Variants in ZDBF2 observed in about 807,000 individuals in gnomAD.
The protein encoded by ZDBF2 is zinc finger DBF-type containing 2.
In ZDBF2, 6 loss-of-function variants were observed where a neutral mutation model predicts 9.4. The observed-to-expected ratio is 0.64, with a 90% CI of 0.35 to 1.27. The LOEUF is 1.27. Among genes scored for constraint, ZDBF2 ranks in the 50% most tolerant of loss-of-function variants. The pLI is 0.03. For missense variants in ZDBF2, 2,697 were observed against 2,766.8 expected (o/e 0.97, Z 0.57); for synonymous variants, 905 against 946.3 (o/e 0.96, Z 0.80).
rs1314456324 is a variant in ZDBF2, at chr2:206,312,144, A to G, written c.*551A>G. On this transcript the variant is annotated 3_prime_UTR_variant, in exon 5 of 5. Coordinates refer to ENST00000374423, the MANE Select transcript of ZDBF2 (RefSeq NM_020923.3). ...GCATAGCACAAACTCCTCCTGCTTC[A>G]TTTAAATTGGATCTGCAAGTCTCTA... 6.6e-6 allele frequency: 1 copy of G among 152,120 alleles called. No homozygotes were observed. The highest frequency in any genetic ancestry group is 2.1e-4 in the South Asian group (1 of 4,826). The allele number at this position is 152,120 out of a possible 1,614,324, so 9.4% of individuals were successfully genotyped here. A position where few individuals can be genotyped will look rare whatever the true frequency, so the allele number is the denominator to read the frequency against.
rs1220934966 is a variant in ZDBF2, at chr2:206,306,873, G to C, written c.2345G>C (p.Ser782Thr). ...CGGCACATTGACCTGGAAGATGAGA[G>C]CTGTGAGTCAGATAGTTCTGAAATA... ...KERHIDLEDE[S>T]CESDSSEITF... Residue 782 changes from serine (S) to threonine (T), a missense_variant, in exon 5 of 5, where the codon AGC (serine) becomes ACC (threonine). Ser to Thr is a moderately conservative substitution (Grantham distance 58). Around this residue, in one of 3 missense-constraint regions of ZDBF2, gnomAD observed 910 missense variants for 973.6 expected, o/e 0.93. Coordinates refer to ENST00000374423, the MANE Select transcript of ZDBF2 (RefSeq NM_020923.3). The C allele has an allele frequency of 1.2e-6, 2 of 1,613,728 alleles. No individual in the cohort carries two copies. The highest frequency in any genetic ancestry group is 1.7e-6 in the Non-Finnish European group (2 of 1,179,826).
intron 2 of ZDBF2, 81 bp from the exon 3 acceptor site, chr2:206,281,720 G>A: frequency 1.2e-6 from 1 of 815,500 alleles, no homozygotes; most frequent in South Asian, 1.7e-5. Context: ...GTGAATTTCT[G>A]TTTTCTGCTA....
chr2:206,287,497 T>C (rs1691662649), intron 3 of ZDBF2, among the ~76,000 whole-genome samples: 1 of 152,244 alleles, frequency 6.6e-6, no homozygotes, highest in African/African-American at 2.4e-5. Flanking sequence ...TTTTTCAGAT[T>C]CCATCTTTGG....
intron 4 of ZDBF2, 28 bp downstream of exon 4, chr2:206,297,401 A>G (rs772816282): frequency 6.3e-7 from 1 of 1,587,482 alleles, no homozygotes; most frequent in Non-Finnish European, 8.6e-7. Flanking sequence ...AATAATATTT[A>G]TACGTAGTTA....
chr2:206,294,991 T>C (rs549180450), intron 3 of ZDBF2, among the ~76,000 whole-genome samples: 1 of 152,166 alleles, frequency 6.6e-6, no homozygotes, highest in African/African-American at 2.4e-5. Flanking sequence ...GTGGAGAGTT[T>C]CGTAGCAGGA....
At chr2:206,290,209 A>G (rs1479798966) in intron 3 of ZDBF2, among the ~76,000 whole-genome samples, 1 of 152,148 alleles carries the variant, frequency 6.6e-6, no homozygotes, top group Non-Finnish European at 1.5e-5. Context: ...TTATTTATCT[A>G]TATATCTTCT....
At position 206,307,582 on chromosome 2, in the gene ZDBF2, TAAC is replaced by T. The variant is rs1692881122; in HGVS notation, c.3057_3059del (p.Asn1019del). The T allele has an allele frequency of 3.7e-6, 6 of 1,613,152 alleles. No homozygotes were observed. Among genetic ancestry groups the T allele is most frequent in the Non-Finnish European group, 5.1e-6 (6 of 1,179,606 alleles). On this transcript the variant is annotated inframe_deletion, in exon 5 of 5. Transcript: ENST00000374423. ...CAGTAACTGAACCTCAAGTAGCTGT[TAAC>T]AAAATAAACAGAAAGAAGCAATATG...
In ZDBF2 at chr2:206,314,369, A is replaced by G. The variant is rs77273267; in HGVS notation, c.*2776A>G. Reference sequence around the variant, plus strand: ...AAGACTAATGTATTTTTTATATTGCAGTGTAAAAGCTAAACTTGTTTTTGA... The same window carrying G: ...AAGACTAATGTATTTTTTATATTGCGGTGTAAAAGCTAAACTTGTTTTTGA... On this transcript the variant is annotated 3_prime_UTR_variant, in exon 5 of 5. Coordinates refer to ENST00000374423, the MANE Select transcript of ZDBF2 (RefSeq NM_020923.3). The G allele has an allele frequency of 7.4e-4, 111 of 150,788 alleles. 3 individuals are homozygous for G. In the East Asian group the frequency reaches 0.019, roughly 26 times the overall value. The allele number at this position is 150,788 out of a possible 1,614,324, so 9.3% of individuals were successfully genotyped here.
At position 206,276,795 on chromosome 2, in the gene ZDBF2, G is replaced by A. The variant is rs150512251; in HGVS notation, c.-103+1849G>A. Among the ~76,000 whole-genome samples the A allele has an allele frequency of 2.6e-5, 4 of 152,304 alleles. No individual in the cohort carries two copies. In the East Asian group the frequency reaches 5.8e-4, roughly 22 times the overall value. On this transcript the variant is annotated intron_variant, in intron 1 of 4. Transcript: ENST00000374423. ...ATGCACAGGAAGCTGTTGACAGAGCGCCTGGCTCAGATTAAGTACTAAGTA... is the reference window on the plus strand; with the variant it reads ...ATGCACAGGAAGCTGTTGACAGAGCACCTGGCTCAGATTAAGTACTAAGTA...
chr2:206,296,239 A>G (rs1340057355), intron 3 of ZDBF2, among the ~76,000 whole-genome samples: 3 of 152,200 alleles, frequency 2.0e-5, no homozygotes, highest in African/African-American at 7.2e-5. Context: ...AAATGGGCAA[A>G]TAAATTGCAT....
rs539655704 is a variant in ZDBF2, at chr2:206,292,649, A to G, written c.61-4597A>G. 1.2e-4 allele frequency among the ~76,000 whole-genome samples: 19 copies of G among 152,232 alleles called. No homozygotes were observed. In the South Asian group the frequency reaches 2.5e-3, roughly 20 times the overall value. ...AAAAACTAAAAAGATATCTAGATAA[A>G]CCATTAGAATCAATAAGTGATTTTA... is the stretch of plus-strand genomic sequence containing the variant. On this transcript the variant is annotated intron_variant, in intron 3 of 4. Coordinates refer to ENST00000374423, the MANE Select transcript of ZDBF2 (RefSeq NM_020923.3).
intron 2 of ZDBF2, 36 bp downstream of exon 2, chr2:206,279,628 C>T (rs1023333850): frequency 1.3e-5 from 2 of 151,930 alleles, no homozygotes; most frequent in Non-Finnish European, 2.9e-5. Flanking sequence ...ATATCAGGTT[C>T]TAGGAGAATT....
At chr2:206,282,964 G>A (rs1023278071) in intron 3 of ZDBF2, among the ~76,000 whole-genome samples, 11 of 152,310 alleles carry the variant, frequency 7.2e-5, no homozygotes, top group East Asian at 1.9e-4. Context: ...GGAATCAAAC[G>A]TTGTGTGGCC....
At chr2:206,304,623 A>G (rs1000570800) in intron 4 of ZDBF2, 94 bp from the exon 5 acceptor site, 21 of 1,446,044 alleles carry the variant, frequency 1.5e-5, no homozygotes, top group Non-Finnish European at 1.9e-5. Flanking sequence ...AGGATAGTCC[A>G]GAACAGAAAG....
intron 3 of ZDBF2, among the ~76,000 whole-genome samples, chr2:206,291,032 G>C (rs1379553035): frequency 6.6e-6 from 1 of 152,042 alleles, no homozygotes; most frequent in Non-Finnish European, 1.5e-5. Flanking sequence ...TTTGTCAAAT[G>C]CTTTTCTGCA....
intron 1 of ZDBF2, among the ~76,000 whole-genome samples, chr2:206,275,540 C>CTTAG (rs1413464083): frequency 6.6e-6 from 1 of 152,156 alleles, no homozygotes; most frequent in Non-Finnish European, 1.5e-5. Flanking sequence ...TTTACTTGCT[C>CTTAG]CTAAGAAGGG....
chr2:206,310,703 C>A lies in ZDBF2; in HGVS notation c.6175C>A (p.Gln2059Lys), dbSNP rs1357198056. The change falls in exon 5 of 5, where the codon CAA (glutamine) becomes AAA (lysine). Residue 2059 changes from glutamine (Q) to lysine (K), a missense_variant. Transcript: ENST00000374423. ...IFDYYEPLIK[Q>K]IVISPPLSVI... ...TGATTATTATGAGCCCTTGATTAAG[C>A]AAATTGTAATTAGTCCTCCCCTGAG... 4.3e-6 allele frequency: 7 copies of A among 1,613,218 alleles called. No homozygotes were observed. Among genetic ancestry groups the A allele is most frequent in the South Asian group, 3.3e-5 (3 of 91,002 alleles).
In ZDBF2 at chr2:206,283,157, A is replaced by T. The variant is rs186334438; in HGVS notation, c.60+1248A>T. Among the ~76,000 whole-genome samples the T allele has an allele frequency of 5.8e-4, 88 of 152,354 alleles. 2 individuals are homozygous for T. The East Asian group carries it at 0.013, about 23-fold the overall frequency. ...TTGTTTTTACTTTTTGACTGTTATG[A>T]ATAGTGCTGCTATGGATATATGTGT... On this transcript the variant is annotated intron_variant, in intron 3 of 4. Transcript: ENST00000374423.
chr2:206,309,910 G>A lies in ZDBF2; in HGVS notation c.5382G>A (p.Lys1794=). 6.2e-7 allele frequency: 1 copy of A among 1,613,914 alleles called. No homozygotes were observed. Among genetic ancestry groups the A allele is most frequent in the Admixed American group, 1.7e-5 (1 of 60,006 alleles). Residue 1794 remains lysine, a synonymous_variant, in exon 5 of 5, where the codon AAG becomes AAA. Coordinates refer to ENST00000374423, the MANE Select transcript of ZDBF2 (RefSeq NM_020923.3). ...NHDSQSSSVL[K]VDSVRNLKKA... is the part of the protein sequence containing the mutation. The stretch of plus-strand genomic sequence containing the variant: ...ATTCCCAGTCAAGCTCTGTTCTCAA[G>A]GTTGATTCTGTAAGGAACCTGAAAA...
Sources: allele counts gnomAD v4.1 joint callset (sites outside exome capture counted in the v4.1 genomes callset), GRCh38; gene constraint gnomAD v4.1.1; regional missense constraint gnomAD v4.1.1; transcripts MANE v1.5; gene names NCBI Gene and HGNC (gene_info 2026-07-23, HGNC 2026-07-21).